Variants in PPP6R2 observed in about 807,000 individuals in gnomAD.
The protein encoded by PPP6R2 is serine/threonine-protein phosphatase 6 regulatory subunit 2.
Under a neutral mutation model 100.2 loss-of-function variants are expected in PPP6R2, and 62 were observed. The ratio of observed to expected loss-of-function variants is 0.62; its 90% CI spans 0.50 to 0.76. The LOEUF is 0.76. Ranked by LOEUF, PPP6R2 falls within the 30% of genes least tolerant of loss-of-function variation. The pLI, the probability that PPP6R2 is intolerant of heterozygous loss-of-function variation, is 0.00. For synonymous variants in PPP6R2, 525 were observed against 514.7 expected, an observed-to-expected ratio of 1.02 and a Z score of -0.27; for missense variants, 1,142 against 1,276.3, an observed-to-expected ratio of 0.89 and a Z score of 1.60.
chr22:50,412,637 T>A, intron 4 of PPP6R2, among the ~76,000 whole-genome samples: 1 of 48,530 alleles, frequency 2.1e-5, no homozygotes, highest in Non-Finnish European at 3.9e-5. Context: ...GTCCTTTTTT[T>A]TTTTTTTTTT....
At chr22:50,441,209 T>G in intron 22 of PPP6R2, 183 bp downstream of exon 22, 1 of 596,494 alleles carries the variant, frequency 1.7e-6, no homozygotes, top group Non-Finnish European at 2.9e-6. Context: ...GCCCACGCGT[T>G]TACGTGGAGG....
chr22:50,437,102 G>C (rs1458998058), intron 15 of PPP6R2, 34 bp downstream of exon 15: 1 of 1,526,704 alleles, frequency 6.6e-7, no homozygotes, highest in African/African-American at 1.4e-5. Context: ...ACCCTGCCGG[G>C]CCCTTCCCGG....
intron 3 of PPP6R2, among the ~76,000 whole-genome samples, chr22:50,404,117 A>G (rs2058469244): frequency 6.7e-6 from 1 of 148,836 alleles, no homozygotes; most frequent in Non-Finnish European, 1.5e-5. Context: ...TTCTGGAAAC[A>G]AGAGTCTCGC....
At chr22:50,369,659 G>A (rs1034948093) in intron 1 of PPP6R2, among the ~76,000 whole-genome samples, 12 of 152,030 alleles carry the variant, frequency 7.9e-5, no homozygotes, top group South Asian at 2.1e-4. Flanking sequence ...GATTAGAGGC[G>A]TACGCCCGGC....
At chr22:50,366,165 A>C (rs939658751) in intron 1 of PPP6R2, among the ~76,000 whole-genome samples, 1 of 152,110 alleles carries the variant, frequency 6.6e-6, no homozygotes, top group Non-Finnish European at 1.5e-5. Context: ...GAACCCTAGT[A>C]ATTTTTAGTC....
chr22:50,396,156 A>G (rs1238930531), intron 3 of PPP6R2, among the ~76,000 whole-genome samples: 1 of 139,746 alleles, frequency 7.2e-6, no homozygotes, highest in African/African-American at 2.7e-5. Flanking sequence ...AGATTGCGCC[A>G]TTGCACTCCA....
intron 2 of PPP6R2, among the ~76,000 whole-genome samples, chr22:50,382,319 C>T (rs1602745177): frequency 2.0e-5 from 3 of 152,202 alleles, no homozygotes; most frequent in African/African-American, 7.2e-5. Context: ...AAAAGTCAAA[C>T]AGGGCACGGT....
At chr22:50,398,393 G>A (rs914434005) in intron 3 of PPP6R2, among the ~76,000 whole-genome samples, 5 of 150,254 alleles carry the variant, frequency 3.3e-5, no homozygotes, top group South Asian at 2.1e-4. Flanking sequence ...GGCTGGTCTC[G>A]AATTCCCGAC....
rs1180483719 is a variant in PPP6R2 at position 50,439,792 on chromosome 22, A to G, written c.2220A>G (p.Ala740=). ...VVRDVGSSVW[A]AGTSAPEEKG... ...GGGACGTGGGTTCCAGTGTGTGGGC[A>G]GCTGGCACCTCAGCTCCAGAGGAGA... Residue 740 remains alanine (A), a synonymous_variant, in exon 20 of 24, where the codon GCA becomes GCG. Coordinates refer to ENST00000612753, the MANE Select transcript of PPP6R2 (RefSeq NM_001242898.2). The G allele has an allele frequency of 6.2e-6, 10 of 1,613,892 alleles. No homozygotes were observed. Among genetic ancestry groups the G allele is most frequent in the Non-Finnish European group, 8.5e-6 (10 of 1,179,966 alleles).
chr22:50,359,606 C>T (rs2047385308), intron 1 of PPP6R2, among the ~76,000 whole-genome samples: 1 of 152,080 alleles, frequency 6.6e-6, no homozygotes, highest in Admixed American at 6.6e-5. Context: ...GTGTTTTGTC[C>T]TTTATCCACA....
intron 1 of PPP6R2, among the ~76,000 whole-genome samples, chr22:50,358,958 T>C (rs2148286535): frequency 6.8e-6 from 1 of 146,824 alleles, no homozygotes; most frequent in South Asian, 2.2e-4. Flanking sequence ...AACTTAATGG[T>C]ATATCCTGAA....
At chr22:50,364,532 A>T (rs112468622) in intron 1 of PPP6R2, among the ~76,000 whole-genome samples, 3 of 152,208 alleles carry the variant, frequency 2.0e-5, no homozygotes, top group Non-Finnish European at 2.9e-5. Flanking sequence ...TATTTAAAAA[A>T]TTTCATAATT....
intron 3 of PPP6R2, among the ~76,000 whole-genome samples, chr22:50,394,904 A>T (rs1387036453): frequency 9.3e-6 from 1 of 107,148 alleles, no homozygotes; most frequent in East Asian, 2.6e-4. Context: ...ACAGAGTGTG[A>T]CTCTGTCTCA....
At chr22:50,401,525 T>G (rs1330151697) in intron 3 of PPP6R2, among the ~76,000 whole-genome samples, 2 of 147,218 alleles carry the variant, frequency 1.4e-5, no homozygotes, top group East Asian at 2.0e-4. Context: ...TTTTTTTTTC[T>G]GAGACAGAGT....
chr22:50,343,840 T>TCAGTTCCCCCCCAGTCAGTTC (rs2042797445), intron 1 of PPP6R2, among the ~76,000 whole-genome samples: 1 of 8,810 alleles, frequency 1.1e-4, no homozygotes, highest in Admixed American at 1.3e-3. Flanking sequence ...CCAGTCAGTT[T>TCAGTTCCCCCCCAGTCAGTTC]CCCCCCAGTC....
chr22:50,431,023 A>G lies in PPP6R2; in HGVS notation c.1126-150A>G. On this transcript the variant is annotated intron_variant, in intron 10 of 23. Coordinates refer to ENST00000612753, the MANE Select transcript of PPP6R2 (RefSeq NM_001242898.2). The surrounding 1 kb of genome is among the most constrained non-coding windows in gnomAD (Gnocchi z 4.8). ...CCGTAATAGAGAGATGACCCTCAGG[A>G]AAACGCTTAAAACTCCTTCCTAGCT... The G allele has an allele frequency of 1.5e-6, 1 of 684,336 alleles. No individual in the cohort carries two copies. Among genetic ancestry groups the G allele is most frequent in the Non-Finnish European group, 2.6e-6 (1 of 392,038 alleles). 42.4% of individuals were successfully genotyped at this position (684,336 alleles called of 1,614,324 possible).
At chr22:50,384,841 A>G (rs2053881043) in intron 2 of PPP6R2, among the ~76,000 whole-genome samples, 1 of 152,148 alleles carries the variant, frequency 6.6e-6, no homozygotes, top group African/African-American at 2.4e-5. Flanking sequence ...CCTGGGCTCA[A>G]GCGATCCTCC....
intron 2 of PPP6R2, among the ~76,000 whole-genome samples, chr22:50,390,732 C>T (rs1282136920): frequency 6.6e-6 from 1 of 151,768 alleles, no homozygotes; most frequent in East Asian, 1.9e-4. Flanking sequence ...CGGGCGCGGT[C>T]GTTCACACCT....
chr22:50,386,575 G>C (rs2054300429), intron 2 of PPP6R2, among the ~76,000 whole-genome samples: 2 of 152,186 alleles, frequency 1.3e-5, no homozygotes, highest in Non-Finnish European at 2.9e-5. Flanking sequence ...ACAGTGGCTT[G>C]AGCAAGGTGC....
Sources: gnomAD v4.1 joint callset for allele counts (sites outside exome capture counted in the v4.1 genomes callset) on GRCh38, gnomAD v4.1.1 for gene constraint, Gnocchi (gnomAD v3.1) non-coding constraint, MANE v1.5 for transcripts, NCBI Gene and HGNC (gene_info 2026-07-23, HGNC 2026-07-21) for gene names.